The following EDC3 variants were observed in gnomAD, a reference collection of about 807,000 sequenced individuals.
EDC3 encodes the protein enhancer of mRNA decapping 3, also known as enhancer of mRNA-decapping protein 3.
EDC3 carries 20 observed loss-of-function variants against 41.8 expected under a neutral mutation model. That is an observed-to-expected ratio of 0.48 (90% CI 0.34 to 0.70). The LOEUF is 0.70. Ranked by LOEUF, EDC3 falls within the 30% of genes least tolerant of loss-of-function variation. The pLI is 0.01. For missense variants in EDC3, 444 were observed against 636.8 expected (o/e 0.70, Z 3.26); for synonymous variants, 206 against 243.2 (o/e 0.85, Z 1.42).
At chr15:74,656,406 A>AACACAC (rs143925363) in intron 3 of EDC3, among the ~76,000 whole-genome samples, 8,770 of 145,816 alleles carry the variant, frequency 0.06, 334 homozygotes, top group African/African-American at 0.11. Context: ...TCTGTCTCAA[A>AACACAC]ACACACACAC....
chr15:74,635,559 C>T lies in EDC3; in HGVS notation c.1042G>A (p.Ala348Thr). ...ALLCGPHVKG[A>T]QGISCGRHLA... ...TGCCTTCCACAGCTGATACCCTGAG[C>T]CCCCTTCACATGAGGTCCACACAGT... The change falls in exon 6 of 7, where the codon GCT (alanine) becomes ACT (threonine). Residue 348 changes from alanine to threonine, a missense_variant. By Grantham distance (58) the Ala-to-Thr change is moderately conservative (BLOSUM62 0). Transcript: ENST00000315127. 1 of 1,614,230 alleles carries T rather than the reference C, an allele frequency of 6.2e-7. No individual in the cohort carries two copies. Among genetic ancestry groups the T allele is most frequent in the Non-Finnish European group, 8.5e-7 (1 of 1,180,042 alleles).
Position 74,671,820 on chromosome 15 carries a change from A to G in EDC3, c.165-46T>C. ...AAGTCTCAAAATTATAATAGTGGTA[A>G]GAATGATGAAACTGAGATCATTAGC... On this transcript the variant is annotated intron_variant, in intron 2 of 6. Coordinates refer to ENST00000315127, the MANE Select transcript of EDC3 (RefSeq NM_025083.5). The surrounding 1 kb of genome is among the most constrained non-coding windows in gnomAD (Gnocchi z 4.6). 5 of 1,570,902 alleles carry G rather than the reference A, an allele frequency of 3.2e-6. No homozygotes were observed. The highest frequency in any genetic ancestry group is 4.4e-6 in the Non-Finnish European group (5 of 1,145,846).
At chr15:74,676,263 G>A (rs1274505260) in intron 1 of EDC3, among the ~76,000 whole-genome samples, 2 of 152,056 alleles carry the variant, frequency 1.3e-5, no homozygotes, top group African/African-American at 4.8e-5. Context: ...TGCGTAAAAG[G>A]GGGAATTTAT....
chr15:74,657,818 A>G (rs577318785), intron 3 of EDC3, among the ~76,000 whole-genome samples: 1 of 152,210 alleles, frequency 6.6e-6, no homozygotes, highest in African/African-American at 2.4e-5. Context: ...ACAAATTGCT[A>G]TTCTGACTTA....
chr15:74,689,712 G>C (rs896873642), intron 1 of EDC3, among the ~76,000 whole-genome samples: 1 of 152,026 alleles, frequency 6.6e-6, no homozygotes, highest in African/African-American at 2.4e-5. Flanking sequence ...TTTTAGTGGA[G>C]ATGGGGTTTC....
chr15:74,688,887 A>C (rs2062968966), intron 1 of EDC3, among the ~76,000 whole-genome samples: 1 of 151,110 alleles, frequency 6.6e-6, no homozygotes, highest in Admixed American at 6.6e-5. Context: ...AGTATGGGTG[A>C]CAGAGCGAGA....
chr15:74,655,699 C>T (rs1372856285), intron 4 of EDC3, 34 bp downstream of exon 4: 4 of 1,561,446 alleles, frequency 2.6e-6, no homozygotes, highest in Non-Finnish European at 3.5e-6. Context: ...AAGGCAACAG[C>T]AACCAGCAGG....
chr15:74,695,141 G>GT lies in EDC3; in HGVS notation c.-19+738dup, dbSNP rs537937978. ...ATTCTGGGTCGCGAGTTCCTCACCT[G>GT]TAACCACAGGAGAAGACTGTTGGCT... On this transcript the variant is annotated intron_variant, in intron 1 of 6. Coordinates refer to ENST00000315127, the MANE Select transcript of EDC3 (RefSeq NM_025083.5). 5.3e-5 allele frequency among the ~76,000 whole-genome samples: 8 copies of GT among 152,272 alleles called. No homozygotes were observed. The East Asian group carries it at 1.5e-3, about 29-fold the overall frequency.
chr15:74,686,802 G>A (rs1056823772), intron 1 of EDC3, among the ~76,000 whole-genome samples: 30 of 149,680 alleles, frequency 2.0e-4, no homozygotes, highest in South Asian at 1.1e-3. Flanking sequence ...TAAATGAAGG[G>A]AAAGGGGCAA....
intron 1 of EDC3, chr15:74,695,571 G>A (rs2141697142): frequency 6.6e-6 from 1 of 152,368 alleles, no homozygotes; most frequent in East Asian, 1.9e-4. Flanking sequence ...GAAGAACAGA[G>A]TGAGTGAGCC....
chr15:74,656,739 T>G (rs111535218), intron 3 of EDC3, among the ~76,000 whole-genome samples: 6 of 152,264 alleles, frequency 3.9e-5, no homozygotes, highest in Non-Finnish European at 8.8e-5. Flanking sequence ...GTTTTCCCAC[T>G]AGAATGTTGT....
In EDC3 at chr15:74,635,422, C is replaced by T. The variant is rs759290184; in HGVS notation, c.1179G>A (p.Val393=). The change falls in exon 6 of 7, where the codon GTG becomes GTA. Residue 393 remains valine, a synonymous_variant. Transcript: ENST00000315127. ...SLFSKTQGQQ[V]SSLKDLPTSP... ...CTAAGTGCTCACCTTTGAGGCTAGA[C>T]ACTTGTTGGCCTTGGGTCTTGCTGA... is the stretch of plus-strand genomic sequence containing the variant. 1.9e-6 allele frequency: 3 copies of T among 1,614,238 alleles called. No individual in the cohort carries two copies. The South Asian group carries it at 3.3e-5, about 18-fold the overall frequency.
At chr15:74,658,899 A>T (rs1421249495) in intron 3 of EDC3, among the ~76,000 whole-genome samples, 1 of 152,096 alleles carries the variant, frequency 6.6e-6, no homozygotes, top group African/African-American at 2.4e-5. Flanking sequence ...GAGATGCACC[A>T]CTGCACTCCA....
chr15:74,656,734 C>G (rs556404200), intron 3 of EDC3, among the ~76,000 whole-genome samples: 2 of 152,268 alleles, frequency 1.3e-5, no homozygotes, highest in South Asian at 4.1e-4. Flanking sequence ...TCCCTGTTTT[C>G]CCACTAGAAT....
intron 1 of EDC3, among the ~76,000 whole-genome samples, chr15:74,681,954 G>A (rs2062874801): frequency 1.3e-5 from 2 of 152,098 alleles, no homozygotes; most frequent in African/African-American, 4.8e-5. Flanking sequence ...TCACAGACTG[G>A]GAGAAAATAC....
chr15:74,694,662 A>T (rs1224797565), intron 1 of EDC3, among the ~76,000 whole-genome samples: 1 of 152,230 alleles, frequency 6.6e-6, no homozygotes. Flanking sequence ...CAATTTAGTG[A>T]GTTGCAACCA....
chr15:74,640,424 C>T, intron 5 of EDC3, 42 bp downstream of exon 5: 1 of 1,607,440 alleles, frequency 6.2e-7, no homozygotes, highest in Non-Finnish European at 8.5e-7. Context: ...GGCAGAGCAT[C>T]CTTACTCCAC....
chr15:74,692,148 CAGTGAGAATTA>C (rs1277051773), intron 1 of EDC3, among the ~76,000 whole-genome samples: 2 of 152,146 alleles, frequency 1.3e-5, no homozygotes, highest in Non-Finnish European at 2.9e-5. Flanking sequence ...TTTCTCACTA[CAGTGAGAATTA>C]AGCAGTAATC....
intron 1 of EDC3, among the ~76,000 whole-genome samples, chr15:74,692,247 G>A (rs1487287262): frequency 6.6e-6 from 1 of 152,164 alleles, no homozygotes; most frequent in Non-Finnish European, 1.5e-5. Flanking sequence ...ATAAAATTCT[G>A]TGGGAAAAGT....
Sources: gnomAD v4.1 joint callset for allele counts (sites outside exome capture counted in the v4.1 genomes callset) on GRCh38, gnomAD v4.1.1 for gene constraint, Gnocchi (gnomAD v3.1) non-coding constraint, MANE v1.5 for transcripts, NCBI Gene and HGNC (gene_info 2026-07-23, HGNC 2026-07-21) for gene names.